MEGF11: variants seen among roughly 807,000 people sequenced by gnomAD.
The protein encoded by MEGF11 is multiple epidermal growth factor-like domains protein 11.
MEGF11 carries 126 observed loss-of-function variants against 146.6 expected under a neutral mutation model. The ratio of observed to expected loss-of-function variants is 0.86; its 90% CI spans 0.74 to 1.00. The LOEUF (loss-of-function observed/expected upper bound fraction) is 1.00. Ranked by LOEUF, MEGF11 falls within the 50% of genes least tolerant of loss-of-function variation. The pLI, the probability that MEGF11 is intolerant of heterozygous loss-of-function variation, is 0.00. For missense variants in MEGF11, 1,509 were observed against 1,521.2 expected (o/e 0.99, Z 0.13); for synonymous variants, 532 against 583.4 (o/e 0.91, Z 1.27).
intron 5 of MEGF11, among the ~76,000 whole-genome samples, chr15:66,058,668 TTC>T (rs1332911089): frequency 6.6e-6 from 1 of 152,104 alleles, no homozygotes; most frequent in African/African-American, 2.4e-5. Context: ...GCCTCAGTCA[TTC>T]TCTCTCTGTA....
At chr15:65,972,205 C>T (rs141450524) in intron 7 of MEGF11, among the ~76,000 whole-genome samples, 174 of 152,138 alleles carry the variant, frequency 1.1e-3, no homozygotes, top group African/African-American at 4.0e-3. Flanking sequence ...ACAGGAGTTC[C>T]AGACAGTAGA....
chr15:65,917,011 A>T, intron 16 of MEGF11, 55 bp from the exon 17 acceptor site: 1 of 1,434,768 alleles, frequency 7.0e-7, no homozygotes, highest in Non-Finnish European at 9.2e-7. Flanking sequence ...GGGCAGACGG[A>T]GAGGGAGAAG....
At chr15:66,167,600 G>A (rs557813547) in intron 1 of MEGF11, among the ~76,000 whole-genome samples, 1 of 152,054 alleles carries the variant, frequency 6.6e-6, no homozygotes, top group Non-Finnish European at 1.5e-5. Flanking sequence ...AGCCGAGATT[G>A]CGCCATTGCA....
chr15:65,919,216 A>G (rs1018674177), intron 15 of MEGF11, among the ~76,000 whole-genome samples: 7 of 152,228 alleles, frequency 4.6e-5, no homozygotes, highest in African/African-American at 1.7e-4. Flanking sequence ...CAAATAATAC[A>G]GGCAATGGTG....
chr15:66,036,919 T>C (rs2083747536), intron 5 of MEGF11, among the ~76,000 whole-genome samples: 1 of 152,166 alleles, frequency 6.6e-6, no homozygotes, highest in African/African-American at 2.4e-5. Flanking sequence ...TTTTCTTTCT[T>C]CCCTGCTTCC....
chr15:66,067,495 A>C (rs2085181004), intron 5 of MEGF11, among the ~76,000 whole-genome samples: 1 of 152,188 alleles, frequency 6.6e-6, no homozygotes, highest in Non-Finnish European at 1.5e-5. Flanking sequence ...TGGATCATAA[A>C]ATGGACCAGA....
chr15:66,155,341 C>T (rs750201391), intron 1 of MEGF11, among the ~76,000 whole-genome samples: 4 of 152,182 alleles, frequency 2.6e-5, no homozygotes, highest in East Asian at 1.9e-4. Flanking sequence ...AGAGTGAGGG[C>T]GGGGAGAGTG....
Position 66,234,817 on chromosome 15 carries a change from C to A in MEGF11, c.-9+18788G>T, listed in dbSNP as rs531804799. ...GTCGGTTCAGGATCCTGATTTACTCCCTGTTCATAAAACGCTGAGAAATTA... is the reference window on the plus strand; with the variant it reads ...GTCGGTTCAGGATCCTGATTTACTCACTGTTCATAAAACGCTGAGAAATTA... On this transcript the variant is annotated intron_variant, in intron 1 of 25. Transcript: ENST00000395614. Among the ~76,000 whole-genome samples the A allele has an allele frequency of 3.3e-5, 5 of 152,280 alleles. No individual in the cohort carries two copies. In the South Asian group the frequency reaches 1.0e-3, roughly 32 times the overall value.
At chr15:66,231,897 A>G (rs2091974588) in intron 1 of MEGF11, among the ~76,000 whole-genome samples, 1 of 152,226 alleles carries the variant, frequency 6.6e-6, no homozygotes, top group African/African-American at 2.4e-5. Flanking sequence ...CCAAGCCCTT[A>G]CCGTGTGCTA....
chr15:66,212,538 G>A (rs900625539), intron 1 of MEGF11, among the ~76,000 whole-genome samples: 3 of 152,242 alleles, frequency 2.0e-5, no homozygotes, highest in Non-Finnish European at 4.4e-5. Context: ...CCTAGAGCCA[G>A]GCTGGGCTGG....
At chr15:65,903,020 T>C (rs1241107265) in intron 24 of MEGF11, among the ~76,000 whole-genome samples, 1 of 152,178 alleles carries the variant, frequency 6.6e-6, no homozygotes, top group East Asian at 1.9e-4. Flanking sequence ...CTTGGCTTGC[T>C]ACTATTAATA....
intron 5 of MEGF11, among the ~76,000 whole-genome samples, chr15:66,079,541 C>CCA (rs1491401229): frequency 2.8e-5 from 4 of 144,426 alleles, no homozygotes; most frequent in Admixed American, 2.8e-4. Context: ...ATTCACACCC[C>CCA]CCCCCCCAGC....
At position 65,913,790 on chromosome 15, in the gene MEGF11, C is replaced by T. The variant is rs749909442; in HGVS notation, c.2657G>A (p.Arg886His). Reference sequence around the variant, plus strand: ...CCTCATGGCAGGTGTGTAGGAGACACGGGGAGCCAGGTCTCGGCCCTTCTC... The same window carrying T: ...CCTCATGGCAGGTGTGTAGGAGACATGGGGAGCCAGGTCTCGGCCCTTCTC... The part of the protein sequence containing the change: ...QKEKGRDLAP[R>H]VSYTPAMRMT... The change falls in exon 20 of 26, where the codon CGT becomes CAT. Residue 886 changes from arginine (R) to histidine (H), a missense_variant. Coordinates refer to ENST00000395614, the MANE Select transcript of MEGF11 (RefSeq NM_001385028.1). The T allele has an allele frequency of 9.9e-6, 16 of 1,613,610 alleles. No homozygotes were observed. Among genetic ancestry groups the T allele is most frequent in the Admixed American group, 1.7e-5 (1 of 60,000 alleles).
chr15:65,906,048 G>A (rs746641788), intron 24 of MEGF11, 37 bp downstream of exon 24: 3 of 1,544,580 alleles, frequency 1.9e-6, no homozygotes, highest in East Asian at 2.3e-5. Flanking sequence ...ATCTTGCTAA[G>A]CCCTCTGTAA....
At chr15:66,028,679 A>G (rs989585652) in intron 5 of MEGF11, among the ~76,000 whole-genome samples, 4 of 152,252 alleles carry the variant, frequency 2.6e-5, no homozygotes, top group African/African-American at 7.2e-5. Context: ...TAAGTAAATT[A>G]TGGTATATAA....
chr15:65,938,696 A>G (rs1264746955), intron 10 of MEGF11, among the ~76,000 whole-genome samples: 1 of 152,158 alleles, frequency 6.6e-6, no homozygotes, highest in Non-Finnish European at 1.5e-5. Context: ...TAGATGCAGT[A>G]CTGGCTATTA....
intron 5 of MEGF11, among the ~76,000 whole-genome samples, chr15:66,031,264 C>T (rs752369323): frequency 7.9e-5 from 12 of 152,112 alleles, no homozygotes; most frequent in Non-Finnish European, 1.0e-4. Flanking sequence ...GCGTGTTCCT[C>T]GATGTTGGGT....
intron 1 of MEGF11, among the ~76,000 whole-genome samples, chr15:66,160,707 C>CACACACACACA (rs1555477714): frequency 2.4e-4 from 21 of 88,232 alleles, no homozygotes; most frequent in African/African-American, 7.2e-4. Flanking sequence ...ACACACACAC[C>CACACACACACA]CTTGCCCTAG....
chr15:66,009,083 G>A (rs2082618036), intron 5 of MEGF11, among the ~76,000 whole-genome samples: 1 of 152,150 alleles, frequency 6.6e-6, no homozygotes, highest in Non-Finnish European at 1.5e-5. Context: ...TGGTTCGTTG[G>A]AGTCTGTCTA....
Sources: allele counts gnomAD v4.1 joint callset (sites outside exome capture counted in the v4.1 genomes callset), GRCh38; gene constraint gnomAD v4.1.1; transcripts MANE v1.5; gene names NCBI Gene and HGNC (gene_info 2026-07-23, HGNC 2026-07-21).